The following NLRP5 variants were observed in gnomAD, a reference collection of about 807,000 sequenced individuals.
NLRP5 encodes the protein NLR family pyrin domain containing 5, also known as NACHT, LRR and PYD domains-containing protein 5.
Under a neutral mutation model 113.1 loss-of-function variants are expected in NLRP5, and 93 were observed. That is an observed-to-expected ratio of 0.82 (90% CI 0.70 to 0.98). The LOEUF (loss-of-function observed/expected upper bound fraction) is 0.98. Among genes scored for constraint, NLRP5 ranks in the 50% least tolerant of loss-of-function variants. NLRP5 has a pLI of 0.00. For synonymous variants in NLRP5, 751 were observed against 600.7 expected, an observed-to-expected ratio of 1.25 and a Z score of -3.66; for missense variants, 1,808 against 1,514.3, an observed-to-expected ratio of 1.19 and a Z score of -3.22.
chr19:56,039,125 G>A (rs1367023356), intron 10 of NLRP5, among the ~76,000 whole-genome samples: 2 of 146,404 alleles, frequency 1.4e-5, no homozygotes, highest in African/African-American at 5.2e-5. Context: ...ACAGGTCTAC[G>A]GAGCAGGTGC....
intron 1 of NLRP5, among the ~76,000 whole-genome samples, chr19:56,003,238 G>A (rs1234245943): frequency 2.6e-5 from 4 of 152,098 alleles, no homozygotes; most frequent in African/African-American, 4.8e-5. Context: ...TGCAACCTTC[G>A]CCTTCCAGAT....
At chr19:56,036,754 C>T (rs454991) in intron 9 of NLRP5, among the ~76,000 whole-genome samples, 6,529 of 152,114 alleles carry the variant, frequency 0.043, 186 homozygotes, top group South Asian at 0.071. Context: ...GTCAGGAGAT[C>T]AAGACCAGCC....
At chr19:56,013,976 G>A (rs942849079) in intron 3 of NLRP5, among the ~76,000 whole-genome samples, 2 of 151,880 alleles carry the variant, frequency 1.3e-5, no homozygotes, top group African/African-American at 4.8e-5. Context: ...TCAAATCCTT[G>A]GTCCTTTTTT....
In NLRP5 at chr19:56,032,727, T is replaced by A. The variant is rs1364403302; in HGVS notation, c.2393T>A (p.Met798Lys). The change falls in exon 8 of 15, where the codon ATG becomes AAG. Residue 798 changes from methionine to lysine, a missense_variant. Physicochemically the swap from Met to Lys is moderately conservative, Grantham distance 95 (BLOSUM62 -1). Transcript: ENST00000390649. The stretch of plus-strand genomic sequence containing the variant: ...AGCAGCATCCTGACAGAGCGGGCCA[T>A]GAAGACCCTGTGTGCCAAGCTGAGG... 2.5e-6 allele frequency: 4 copies of A among 1,612,960 alleles called. No individual in the cohort carries two copies. Among genetic ancestry groups the A allele is most frequent in the Non-Finnish European group, 2.5e-6 (3 of 1,179,744 alleles).
chr19:56,026,218 A>G (rs1982839058), intron 6 of NLRP5, among the ~76,000 whole-genome samples: 1 of 151,992 alleles, frequency 6.6e-6, no homozygotes, highest in Non-Finnish European at 1.5e-5. Context: ...TCTGTGAGGT[A>G]TATTTTTACT....
chr19:56,003,226 A>G (rs1321695013), intron 1 of NLRP5, among the ~76,000 whole-genome samples: 67 of 152,282 alleles, frequency 4.4e-4, no homozygotes, highest in Non-Finnish European at 1.0e-4. Flanking sequence ...GTCTTGGCTC[A>G]CTGCAACCTT....
chr19:56,008,820 A>T lies in NLRP5; in HGVS notation c.475A>T (p.Thr159Ser). Residue 159 changes from threonine (T) to serine (S), a missense_variant, in exon 3 of 15, where the codon ACT becomes TCT. Physicochemically the swap from Thr to Ser is moderately conservative, Grantham distance 58. Coordinates refer to ENST00000390649, the MANE Select transcript of NLRP5 (RefSeq NM_153447.4). ...ACCAGAAGATCCTGAAGCAACGATG[A>T]CTGACCAAGGACCAAGCAAGGAAAA... 1 of 1,612,466 alleles carries T rather than the reference A, an allele frequency of 6.2e-7. No homozygotes were observed. The highest frequency in any genetic ancestry group is 8.5e-7 in the Non-Finnish European group (1 of 1,179,304).
At chr19:56,048,193 G>T (rs551102141) in intron 11 of NLRP5, among the ~76,000 whole-genome samples, 1 of 152,122 alleles carries the variant, frequency 6.6e-6, no homozygotes, top group Non-Finnish European at 1.5e-5. Flanking sequence ...TAAGTGGAGC[G>T]TTTGGACCGT....
In NLRP5 at chr19:56,020,259, T is replaced by C. The variant is rs2915961; in HGVS notation, c.623-116T>C. On this transcript the variant is annotated intron_variant, in intron 5 of 14. Transcript: ENST00000390649. ...TGTCTTCTAGTTGAGCCGGTGGTTG[T>C]CATGTTTTCAACTGGCCAGAAAATA... is the stretch of plus-strand genomic sequence containing the variant. The C allele has an allele frequency of 5.8e-3, 7,006 of 1,208,688 alleles. 408 individuals are homozygous for C. The African/African-American group carries it at 0.095, about 16-fold the overall frequency. The allele number at this position is 1,208,688 out of a possible 1,614,324, so 74.9% of individuals were successfully genotyped here.
At chr19:56,014,478 CAAAAA>C (rs3055393) in intron 3 of NLRP5, among the ~76,000 whole-genome samples, 2 of 136,914 alleles carry the variant, frequency 1.5e-5, no homozygotes, top group Non-Finnish European at 1.6e-5. Flanking sequence ...CGCTCCATCT[CAAAAA>C]AAAAAAAAAA....
rs778188316 is a variant in NLRP5, at chr19:56,040,986, C to T, written c.2851C>T (p.Arg951Trp). The change falls in exon 11 of 15, where the codon CGG becomes TGG. Residue 951 changes from arginine (R) to tryptophan (W), a missense_variant. Coordinates refer to ENST00000390649, the MANE Select transcript of NLRP5 (RefSeq NM_153447.4). ...TCTGGCCTCAGCCCTCGTCAGCAAC[C>T]GGAGCTTGACACACCTGTGCCTATC... 4.4e-5 allele frequency: 71 copies of T among 1,613,802 alleles called. No homozygotes were observed. Among genetic ancestry groups the T allele is most frequent in the Non-Finnish European group, 5.3e-5 (62 of 1,179,856 alleles).
Position 56,041,203 on chromosome 19 carries a change from G to C in NLRP5, c.2957+111G>C, listed in dbSNP as rs1316108578. The C allele has an allele frequency of 7.0e-6, 7 of 1,006,682 alleles. No homozygotes were observed. In the East Asian group the frequency reaches 1.7e-4, roughly 24 times the overall value. The allele number at this position is 1,006,682 out of a possible 1,614,324, so 62.4% of individuals were successfully genotyped here. A position where few individuals can be genotyped will look rare whatever the true frequency, so the allele number is the denominator to read the frequency against. Reference sequence around the variant, plus strand: ...GGGGTGTGGACATCATCACATGAAGGGACCTGGTATATGCTGAATTCTGTC... The same window carrying C: ...GGGGTGTGGACATCATCACATGAAGCGACCTGGTATATGCTGAATTCTGTC... On this transcript the variant is annotated intron_variant, in intron 11 of 14. Transcript: ENST00000390649.
chr19:56,061,687 T>C lies in NLRP5; in HGVS notation c.*159T>C. ...ATGGTAGTGATTCTTCTGTGTTCAC[T>C]CTACGTTGGTTACTGGATTTGAAGG... is the stretch of plus-strand genomic sequence containing the variant. On this transcript the variant is annotated 3_prime_UTR_variant, in exon 15 of 15. Coordinates refer to ENST00000390649, the MANE Select transcript of NLRP5 (RefSeq NM_153447.4). The C allele has an allele frequency of 1.3e-6, 1 of 788,200 alleles. No homozygotes were observed. Among genetic ancestry groups the C allele is most frequent in the Non-Finnish European group, 2.0e-6 (1 of 489,604 alleles). The allele number at this position is 788,200 out of a possible 1,614,324, so 48.8% of individuals were successfully genotyped here. A position where few individuals can be genotyped will look rare whatever the true frequency, so the allele number is the denominator to read the frequency against.
chr19:56,046,477 A>G (rs994532244), intron 11 of NLRP5, among the ~76,000 whole-genome samples: 27 of 149,336 alleles, frequency 1.8e-4, no homozygotes, highest in African/African-American at 6.3e-4. Flanking sequence ...GCTTCATAGA[A>G]TGAATTAGGG....
intron 14 of NLRP5, among the ~76,000 whole-genome samples, chr19:56,058,619 A>G (rs571923379): frequency 2.6e-5 from 4 of 152,362 alleles, no homozygotes; most frequent in Admixed American, 6.5e-5. Flanking sequence ...GCCTGATATC[A>G]TGGAGTTCAC....
At chr19:56,005,444 CAT>C (rs1449002666) in intron 2 of NLRP5, among the ~76,000 whole-genome samples, 20 of 146,580 alleles carry the variant, frequency 1.4e-4, no homozygotes, top group South Asian at 4.3e-4. Flanking sequence ...TATATATACA[CAT>C]ATATTTTTAT....
intron 5 of NLRP5, among the ~76,000 whole-genome samples, chr19:56,019,910 C>T (rs1183122369): frequency 1.3e-5 from 2 of 150,862 alleles, no homozygotes; most frequent in Non-Finnish European, 2.9e-5. Context: ...GATCTCAGCT[C>T]AGTGCAACCT....
chr19:55,995,909 A>ATTTTTTTTTTTTTTTTTTTTTTT (rs1981309363), upstream of NLRP5, among the ~76,000 whole-genome samples: 1 of 151,784 alleles, frequency 6.6e-6, no homozygotes, highest in African/African-American at 2.4e-5. Flanking sequence ...TTTTATGTTG[A>ATTTTTTTTTTTTTTTTTTTTTTT]TTTTTGCATC....
intron 13 of NLRP5, 44 bp from the exon 14 acceptor site, chr19:56,058,196 T>C (rs769588060): frequency 2.7e-6 from 4 of 1,483,834 alleles, no homozygotes; most frequent in Non-Finnish European, 2.8e-6. Context: ...GAAGGGTCCA[T>C]CATCGATCTT....
Sources: allele counts gnomAD v4.1 joint callset (sites outside exome capture counted in the v4.1 genomes callset), GRCh38; gene constraint gnomAD v4.1.1; transcripts MANE v1.5; gene names NCBI Gene and HGNC (gene_info 2026-07-23, HGNC 2026-07-21).